Variants in LRP1B observed in about 807,000 individuals in gnomAD.
LRP1B encodes the protein LDL receptor related protein 1B.
In LRP1B, 217 loss-of-function variants were observed where a neutral mutation model predicts 556.6. The observed-to-expected ratio is 0.39, with a 90% confidence interval of 0.35 to 0.44. LRP1B has a LOEUF of 0.44. Among genes scored for constraint, LRP1B ranks in the 20% least tolerant of loss-of-function variants. The pLI is 1.00. For missense variants in LRP1B, 5,053 were observed against 5,620.8 expected (o/e 0.90, Z 3.23); for synonymous variants, 2,047 against 1,865.8 (o/e 1.10, Z -2.50).
chr2:140,301,410 C>G (rs1011300383), intron 83 of LRP1B, among the ~76,000 whole-genome samples: 6 of 151,944 alleles, frequency 3.9e-5, no homozygotes, highest in Non-Finnish European at 7.4e-5. Context: ...GCAAACAAAT[C>G]AAAGAGAAAA....
chr2:140,959,699 T>C (rs148758440), intron 18 of LRP1B, among the ~76,000 whole-genome samples: 1 of 151,790 alleles, frequency 6.6e-6, no homozygotes, highest in Non-Finnish European at 1.5e-5. Context: ...TTTGGTTATA[T>C]ATTTTAAGAC....
chr2:140,671,247 G>A (rs1236130630), intron 41 of LRP1B, among the ~76,000 whole-genome samples: 3 of 152,152 alleles, frequency 2.0e-5, no homozygotes, highest in East Asian at 1.9e-4. Context: ...TTGGCCGGGC[G>A]CGGTGGCTCA....
chr2:141,197,298 C>T (rs1036893153), intron 6 of LRP1B, among the ~76,000 whole-genome samples: 3 of 152,100 alleles, frequency 2.0e-5, no homozygotes, highest in Non-Finnish European at 4.4e-5. Context: ...AAAAACCCTA[C>T]CTTCATTGGT....
In LRP1B at chr2:140,485,851, A is replaced by G. The variant is rs988231802; in HGVS notation, c.9244-327T>C. ...GGACAAAATTCTCACGCACATACAC[A>G]CACACACACACACACACACACACAC... On this transcript the variant is annotated intron_variant, in intron 58 of 90. Coordinates refer to ENST00000389484, the MANE Select transcript of LRP1B (RefSeq NM_018557.3). Among the ~76,000 whole-genome samples, 16 of 130,310 alleles carry G rather than the reference A, an allele frequency of 1.2e-4. 1 individual carries two copies. The highest frequency in any genetic ancestry group is 4.8e-4 in the African/African-American group (16 of 33,414). 85.5% of individuals were successfully genotyped at this position (130,310 alleles called of 152,430 possible).
intron 3 of LRP1B, among the ~76,000 whole-genome samples, chr2:141,458,845 C>G (rs754851082): frequency 3.3e-5 from 5 of 152,158 alleles, no homozygotes; most frequent in Non-Finnish European, 7.4e-5. Flanking sequence ...AAAATCTTTA[C>G]CATGTCATTC....
At chr2:141,621,048 C>T (rs1267959349) in intron 2 of LRP1B, among the ~76,000 whole-genome samples, 1 of 152,110 alleles carries the variant, frequency 6.6e-6, no homozygotes, top group Non-Finnish European at 1.5e-5. Context: ...TTTTTATTTA[C>T]ATCAGCATTT....
At chr2:140,612,689 T>C (rs1189860646) in intron 41 of LRP1B, among the ~76,000 whole-genome samples, 4 of 152,278 alleles carry the variant, frequency 2.6e-5, no homozygotes, top group South Asian at 4.1e-4. Flanking sequence ...AATCACACAA[T>C]TAATTACCAT....
chr2:141,280,011 G>T (rs565060953), intron 3 of LRP1B, among the ~76,000 whole-genome samples: 7 of 152,028 alleles, frequency 4.6e-5, no homozygotes, highest in Non-Finnish European at 1.0e-4. Context: ...TGCTTCTACA[G>T]AATTTAGTAG....
intron 6 of LRP1B, among the ~76,000 whole-genome samples, chr2:141,215,888 G>C (rs573179398): frequency 1.3e-5 from 2 of 152,210 alleles, no homozygotes; most frequent in Admixed American, 1.3e-4. Context: ...AGTTTGGAAA[G>C]TTTGCAGCTT....
intron 21 of LRP1B, among the ~76,000 whole-genome samples, chr2:140,912,782 C>T (rs1033480098): frequency 4.0e-5 from 6 of 151,676 alleles, no homozygotes. Flanking sequence ...TTAAACACAA[C>T]TACAAAGTCA....
Position 141,741,661 on chromosome 2 carries a change from GTTGT to G in LRP1B, c.205+68614_205+68617del, listed in dbSNP as rs780926875. On this transcript the variant is annotated intron_variant, in intron 2 of 90. Transcript: ENST00000389484. Reference sequence around the variant, plus strand: ...TCAGATTATTAGTTTATTTTATTTAGTTGTTTGAGTTCCTTACATATTCTGGTTA... The same window carrying G: ...TCAGATTATTAGTTTATTTTATTTAGTTGAGTTCCTTACATATTCTGGTTA... Among the ~76,000 whole-genome samples, 12 of 152,134 alleles carry G rather than the reference GTTGT, an allele frequency of 7.9e-5. No individual in the cohort carries two copies. The South Asian group carries it at 2.3e-3, about 29-fold the overall frequency.
chr2:140,889,186 G>T (rs914644396), intron 23 of LRP1B, among the ~76,000 whole-genome samples: 4 of 152,154 alleles, frequency 2.6e-5, no homozygotes, highest in African/African-American at 4.8e-5. Flanking sequence ...ATTAAGAAAA[G>T]TTTACACCAA....
At chr2:141,168,194 G>C (rs1424301970) in intron 7 of LRP1B, among the ~76,000 whole-genome samples, 3 of 151,916 alleles carry the variant, frequency 2.0e-5, no homozygotes, top group African/African-American at 7.2e-5. Context: ...ATCTGGGTGG[G>C]CTAGTCTATG....
chr2:140,526,890 G>C (rs996210243), intron 47 of LRP1B, among the ~76,000 whole-genome samples: 3 of 151,638 alleles, frequency 2.0e-5, no homozygotes, highest in Non-Finnish European at 2.9e-5. Context: ...AGATGGGCAG[G>C]GGGGAACCAC....
chr2:141,333,302 T>C (rs1687725981), intron 3 of LRP1B, among the ~76,000 whole-genome samples: 3 of 152,140 alleles, frequency 2.0e-5, no homozygotes, highest in Admixed American at 2.0e-4. Flanking sequence ...AGGATATTTC[T>C]AATTTAATGG....
intron 35 of LRP1B, among the ~76,000 whole-genome samples, chr2:140,763,316 TTCAATTCTGAATG>T (rs1295199261): frequency 6.6e-6 from 1 of 152,036 alleles, no homozygotes; most frequent in African/African-American, 2.4e-5. Flanking sequence ...GAGTGGTACA[TTCAATTCTGAATG>T]TACCACTGAG....
In LRP1B at chr2:142,090,106, A is replaced by T. The variant is rs775858202; in HGVS notation, c.82+40542T>A. ...CTTTTCATATTATATTAAAAACATT[A>T]CAGCATGATTTTATCAGCCACTCAC... On this transcript the variant is annotated intron_variant, in intron 1 of 90. Coordinates refer to ENST00000389484, the MANE Select transcript of LRP1B (RefSeq NM_018557.3). Among the ~76,000 whole-genome samples the T allele has an allele frequency of 8.5e-4, 130 of 152,318 alleles. 1 individual carries two copies. The highest frequency in any genetic ancestry group is 2.1e-4 in the Non-Finnish European group (14 of 68,006).
At chr2:140,695,807 T>C (rs1281390660) in intron 41 of LRP1B, among the ~76,000 whole-genome samples, 2 of 152,190 alleles carry the variant, frequency 1.3e-5, no homozygotes, top group Non-Finnish European at 2.9e-5. Flanking sequence ...ATTTTCATCC[T>C]TATTCGCTCA....
chr2:141,376,204 T>C (rs988942484), intron 3 of LRP1B, among the ~76,000 whole-genome samples: 6 of 152,152 alleles, frequency 3.9e-5, no homozygotes, highest in Non-Finnish European at 7.3e-5. Flanking sequence ...TCCATATGGG[T>C]TCTCTTTTTG....
Sources: gnomAD v4.1 joint callset for allele counts (sites outside exome capture counted in the v4.1 genomes callset) on GRCh38, gnomAD v4.1.1 for gene constraint, MANE v1.5 for transcripts, NCBI Gene and HGNC (gene_info 2026-07-23, HGNC 2026-07-21) for gene names.